CNTN4: variants seen among roughly 807,000 people sequenced by gnomAD.
The protein encoded by CNTN4 is contactin-4.
A neutral mutation model predicts 122.5 loss-of-function variants in CNTN4; 77 were observed. The ratio of observed to expected loss-of-function variants is 0.63; its 90% CI spans 0.52 to 0.76. The LOEUF (loss-of-function observed/expected upper bound fraction) is 0.76. CNTN4 is among the 30% of genes least tolerant of loss of function. The pLI, the probability that CNTN4 is intolerant of heterozygous loss-of-function variation, is 0.00. For synonymous variants in CNTN4, 512 were observed against 447.0 expected, an observed-to-expected ratio of 1.15 and a Z score of -1.83; for missense variants, 1,256 against 1,259.1, an observed-to-expected ratio of 1.00 and a Z score of 0.04.
At chr3:2,941,062 A>G (rs190798126) in intron 13 of CNTN4, among the ~76,000 whole-genome samples, 67 of 152,328 alleles carry the variant, frequency 4.4e-4, no homozygotes, top group Non-Finnish European at 2.9e-5. Flanking sequence ...ATCAGGAAAG[A>G]TGTTTTTCAG....
intron 13 of CNTN4, among the ~76,000 whole-genome samples, chr3:2,972,346 A>C (rs1416262682): frequency 6.6e-6 from 1 of 152,116 alleles, no homozygotes; most frequent in Admixed American, 6.5e-5. Flanking sequence ...ATACACATAC[A>C]GACACACACA....
At chr3:2,562,941 TG>T (rs2079019788) in intron 3 of CNTN4, among the ~76,000 whole-genome samples, 3 of 152,090 alleles carry the variant, frequency 2.0e-5, no homozygotes, top group Non-Finnish European at 2.9e-5. Context: ...TTGCCCTGGC[TG>T]GTCTCGAAGT....
At chr3:2,545,266 A>G (rs776668766) in intron 3 of CNTN4, among the ~76,000 whole-genome samples, 2 of 151,786 alleles carry the variant, frequency 1.3e-5, no homozygotes, top group Non-Finnish European at 2.9e-5. Context: ...TTGCCTGAGG[A>G]TTGTTTTATG....
At position 2,412,906 on chromosome 3, in the gene CNTN4, T is replaced by G. The variant is rs79179013; in HGVS notation, c.-89+73673T>G. Among the ~76,000 whole-genome samples the G allele has an allele frequency of 4.7e-3, 709 of 152,330 alleles. 8 individuals are homozygous for G. Among genetic ancestry groups the G allele is most frequent in the African/African-American group, 0.017 (693 of 41,578 alleles). Reference sequence around the variant, plus strand: ...TTGCTTTTTAAAAAATAAAAAAGGATATTAGAACCTTCCTCATAGAATTGT... The same window carrying G: ...TTGCTTTTTAAAAAATAAAAAAGGAGATTAGAACCTTCCTCATAGAATTGT... On this transcript the variant is annotated intron_variant, in intron 3 of 24. Coordinates refer to ENST00000418658, the MANE Select transcript of CNTN4 (RefSeq NM_175607.3).
intron 13 of CNTN4, among the ~76,000 whole-genome samples, chr3:2,948,100 A>T (rs1311661082): frequency 2.0e-5 from 3 of 152,226 alleles, no homozygotes. Context: ...GGACTTGTGT[A>T]ATAGTAACAT....
intron 4 of CNTN4, among the ~76,000 whole-genome samples, chr3:2,717,612 C>A (rs1206495760): frequency 6.6e-6 from 1 of 152,146 alleles, no homozygotes; most frequent in East Asian, 1.9e-4. Context: ...TCCTGTGAAT[C>A]CTCCTAGTAA....
intron 3 of CNTN4, among the ~76,000 whole-genome samples, chr3:2,487,796 T>C (rs1177210456): frequency 6.6e-6 from 1 of 152,222 alleles, no homozygotes; most frequent in Non-Finnish European, 1.5e-5. Context: ...CAATCTCCTA[T>C]TGTATTTGGC....
intron 7 of CNTN4, among the ~76,000 whole-genome samples, chr3:2,824,158 TAAAAA>T (rs56973508): frequency 2.1e-5 from 3 of 142,904 alleles, no homozygotes; most frequent in African/African-American, 5.2e-5. Flanking sequence ...CCAAGGCTGT[TAAAAA>T]AAAAAAAAAA....
chr3:2,428,767 C>T (rs753625639), intron 3 of CNTN4, among the ~76,000 whole-genome samples: 7 of 152,216 alleles, frequency 4.6e-5, no homozygotes, highest in Non-Finnish European at 2.9e-5. Flanking sequence ...AGGCTTTGTT[C>T]GTTTCTTTTT....
intron 3 of CNTN4, among the ~76,000 whole-genome samples, chr3:2,407,784 G>C (rs141403328): frequency 6.6e-6 from 1 of 152,264 alleles, no homozygotes; most frequent in African/African-American, 2.4e-5. Flanking sequence ...ATCCTGACAA[G>C]ACTTTAAGAA....
intron 2 of CNTN4, among the ~76,000 whole-genome samples, chr3:2,241,949 T>C (rs968910767): frequency 1.3e-5 from 2 of 152,128 alleles, no homozygotes; most frequent in Non-Finnish European, 2.9e-5. Flanking sequence ...ATAAATCATC[T>C]CATGTCATCA....
intron 12 of CNTN4, among the ~76,000 whole-genome samples, chr3:2,909,864 T>C (rs112039418): frequency 0.022 from 3,427 of 152,328 alleles, 60 homozygotes; most frequent in Non-Finnish European, 0.033. Context: ...TTGATGCTGA[T>C]GCTGCTTATC....
At chr3:2,580,337 G>A (rs1334356519) in intron 4 of CNTN4, among the ~76,000 whole-genome samples, 1 of 152,126 alleles carries the variant, frequency 6.6e-6, no homozygotes, top group Non-Finnish European at 1.5e-5. Context: ...AGAGAGCTGA[G>A]GAGGTGTCTA....
At chr3:2,271,543 G>A (rs1431875541) in intron 2 of CNTN4, among the ~76,000 whole-genome samples, 2 of 152,104 alleles carry the variant, frequency 1.3e-5, no homozygotes, top group Non-Finnish European at 2.9e-5. Context: ...AAAATGAAAT[G>A]GATTCACATT....
rs145498525 is a variant in CNTN4 at position 2,302,771 on chromosome 3, C to T, written c.-144-36407C>T. Among the ~76,000 whole-genome samples the T allele has an allele frequency of 2.0e-5, 3 of 152,314 alleles. No homozygotes were observed. The East Asian group carries it at 5.8e-4, about 29-fold the overall frequency. On this transcript the variant is annotated intron_variant, in intron 2 of 24. Transcript: ENST00000418658. ...GATCACTTTGTCCCATGTGGAAGAACATCTAATGATATGTTGGGATGTCTC... is the reference window on the plus strand; with the variant it reads ...GATCACTTTGTCCCATGTGGAAGAATATCTAATGATATGTTGGGATGTCTC...
At chr3:2,855,789 A>G (rs2093611936) in intron 7 of CNTN4, among the ~76,000 whole-genome samples, 1 of 152,196 alleles carries the variant, frequency 6.6e-6, no homozygotes, top group African/African-American at 2.4e-5. Flanking sequence ...AGTCCTTCTC[A>G]TTCTTGGCCA....
chr3:2,330,043 C>T (rs770265092), intron 2 of CNTN4, among the ~76,000 whole-genome samples: 18 of 152,114 alleles, frequency 1.2e-4, no homozygotes, highest in Non-Finnish European at 2.1e-4. Context: ...CTTCAGATGC[C>T]AGTCCTAAAT....
chr3:2,506,204 G>A (rs565515669), intron 3 of CNTN4, among the ~76,000 whole-genome samples: 1 of 152,244 alleles, frequency 6.6e-6, no homozygotes, highest in East Asian at 1.9e-4. Flanking sequence ...TCATGTAAAA[G>A]CCTAAAGAAG....
At chr3:2,598,783 T>C (rs1236465136) in intron 4 of CNTN4, among the ~76,000 whole-genome samples, 4 of 151,836 alleles carry the variant, frequency 2.6e-5, no homozygotes, top group Non-Finnish European at 4.4e-5. Flanking sequence ...AGAGCCATTG[T>C]ATTTGTACAA....
Sources: allele counts gnomAD v4.1 joint callset (sites outside exome capture counted in the v4.1 genomes callset), GRCh38; gene constraint gnomAD v4.1.1; transcripts MANE v1.5; gene names NCBI Gene and HGNC (gene_info 2026-07-23, HGNC 2026-07-21).